The following DENND5B variants were observed in gnomAD, a reference collection of about 807,000 sequenced individuals.
DENND5B encodes DENN domain containing 5B.
DENND5B carries 34 observed loss-of-function variants against 140.6 expected under a neutral mutation model. The ratio of observed to expected loss-of-function variants is 0.24; its 90% confidence interval spans 0.18 to 0.32. The LOEUF is 0.32. Ranked by LOEUF, DENND5B falls within the 10% of genes least tolerant of loss-of-function variation. DENND5B has a pLI of 1.00. For synonymous variants in DENND5B, 551 were observed against 562.1 expected, an observed-to-expected ratio of 0.98 and a Z score of 0.28; for missense variants, 1,142 against 1,560.2, an observed-to-expected ratio of 0.73 and a Z score of 4.52.
chr12:31,460,499 T>G, intron 3 of DENND5B, 118 bp from the exon 4 acceptor site: 1 of 894,476 alleles, frequency 1.1e-6, no homozygotes, highest in Non-Finnish European at 1.7e-6. Flanking sequence ...AAATATTTCT[T>G]TATGATCATA....
intron 1 of DENND5B, among the ~76,000 whole-genome samples, chr12:31,579,965 AT>A (rs1360948766): frequency 4.2e-5 from 6 of 144,526 alleles, no homozygotes; most frequent in Admixed American, 1.4e-4. Flanking sequence ...ACAGAAAAAA[AT>A]ATATATAAAA....
Position 31,482,776 on chromosome 12 carries a change from T to C in DENND5B, c.238-2521A>G, listed in dbSNP as rs536090330. Among the ~76,000 whole-genome samples the C allele has an allele frequency of 3.6e-4, 55 of 152,292 alleles. 1 individual carries two copies. Among genetic ancestry groups the C allele is most frequent in the African/African-American group, 1.3e-3 (54 of 41,560 alleles). ...AAGTCACCCTCTTTTCTTGTCTGGA[T>C]GTAACAGCCTGTTTCTGCCCTTGTC... On this transcript the variant is annotated intron_variant, in intron 2 of 20. Coordinates refer to ENST00000389082, the MANE Select transcript of DENND5B (RefSeq NM_144973.4).
chr12:31,526,783 C>T (rs779807784), intron 1 of DENND5B, among the ~76,000 whole-genome samples: 1 of 152,234 alleles, frequency 6.6e-6, no homozygotes. Context: ...TTATGTGAAA[C>T]GTTAACATTT....
At chr12:31,499,566 A>C in intron 1 of DENND5B, 1 of 1,414,134 alleles carries the variant, frequency 7.1e-7, no homozygotes, top group Non-Finnish European at 9.3e-7. Flanking sequence ...TAAAATAATG[A>C]TTTATAATAG....
chr12:31,414,263 T>C (rs1183896838), intron 12 of DENND5B, among the ~76,000 whole-genome samples: 1 of 152,154 alleles, frequency 6.6e-6, no homozygotes, highest in Non-Finnish European at 1.5e-5. Context: ...TGACTAAGTA[T>C]TGTACCTAAA....
intron 1 of DENND5B, among the ~76,000 whole-genome samples, chr12:31,554,049 T>C (rs1268322900): frequency 6.6e-6 from 1 of 152,196 alleles, no homozygotes; most frequent in Non-Finnish European, 1.5e-5. Context: ...AATTGGAGCA[T>C]TTAGCCCATT....
intron 10 of DENND5B, 57 bp downstream of exon 10, chr12:31,424,478 C>T: frequency 1.3e-6 from 2 of 1,495,912 alleles, no homozygotes; most frequent in Non-Finnish European, 1.8e-6. Context: ...CTCCTTGTTA[C>T]ATTTCTTAAC....
intron 1 of DENND5B, among the ~76,000 whole-genome samples, chr12:31,554,203 G>A (rs1054282249): frequency 4.9e-4 from 74 of 152,202 alleles, no homozygotes; most frequent in South Asian, 1.9e-3. Context: ...GGCTGGTACC[G>A]GTTGTTCCTT....
chr12:31,509,604 T>G (rs964466487), intron 1 of DENND5B, among the ~76,000 whole-genome samples: 2 of 152,228 alleles, frequency 1.3e-5, no homozygotes, highest in African/African-American at 4.8e-5. Context: ...AATTTTGAGA[T>G]AGTTTATTAT....
At chr12:31,472,269 A>G (rs1417439693) in intron 3 of DENND5B, among the ~76,000 whole-genome samples, 1 of 152,216 alleles carries the variant, frequency 6.6e-6, no homozygotes, top group Non-Finnish European at 1.5e-5. Context: ...AATAGGGTGA[A>G]TAAAACAGAC....
At position 31,387,125 on chromosome 12, in the gene DENND5B, A is replaced by G. The variant is rs1362501977; in HGVS notation, c.*478T>C. The G allele has an allele frequency of 1.3e-5, 2 of 153,024 alleles. No individual in the cohort carries two copies. Among genetic ancestry groups the G allele is most frequent in the Non-Finnish European group, 2.9e-5 (2 of 68,682 alleles). 9.5% of individuals were successfully genotyped at this position (153,024 alleles called of 1,614,324 possible). On this transcript the variant is annotated 3_prime_UTR_variant, in exon 21 of 21. Transcript: ENST00000389082. ...GTAGGTAAAGCTGTGTGCATCCACA[A>G]TACAAAGGATCAGACTCCAAGATGG...
At position 31,528,609 on chromosome 12, in the gene DENND5B, G is replaced by A. The variant is rs767323553; in HGVS notation, c.128-32690C>T. ...GCAATAATACGAACAGACCAAACAC[G>A]GAGTATGATACAAAGAGAGTAATAA... On this transcript the variant is annotated intron_variant, in intron 1 of 20. Transcript: ENST00000389082. Among the ~76,000 whole-genome samples the A allele has an allele frequency of 6.6e-5, 10 of 152,122 alleles. No homozygotes were observed. In the East Asian group the frequency reaches 1.2e-3, roughly 18 times the overall value.
chr12:31,446,885 T>C (rs201431965), intron 6 of DENND5B, among the ~76,000 whole-genome samples: 1,378 of 113,656 alleles, frequency 0.012, 14 homozygotes, highest in East Asian at 0.037. Flanking sequence ...AGACTCCGCC[T>C]CAAAAAAAAA....
At chr12:31,388,985 C>G (rs1031075395) in intron 20 of DENND5B, among the ~76,000 whole-genome samples, 1 of 152,114 alleles carries the variant, frequency 6.6e-6, no homozygotes, top group Non-Finnish European at 1.5e-5. Flanking sequence ...CTGGCTCTGT[C>G]TCATTTTTCT....
At chr12:31,440,528 C>T (rs1010219776) in intron 7 of DENND5B, among the ~76,000 whole-genome samples, 7 of 152,164 alleles carry the variant, frequency 4.6e-5, no homozygotes, top group Non-Finnish European at 1.0e-4. Context: ...TTGGTATAAA[C>T]GTGCATTTTC....
intron 5 of DENND5B, among the ~76,000 whole-genome samples, chr12:31,450,394 C>T (rs1944462023): frequency 6.6e-6 from 1 of 152,186 alleles, no homozygotes; most frequent in Non-Finnish European, 1.5e-5. Context: ...GGGTCTCACT[C>T]GCTAGCCCAA....
intron 6 of DENND5B, among the ~76,000 whole-genome samples, chr12:31,445,702 C>A (rs201156563): frequency 3.5e-5 from 5 of 144,672 alleles, no homozygotes; most frequent in Non-Finnish European, 3.0e-5. Flanking sequence ...GATTCTGTTT[C>A]AAAAAAAAAA....
In DENND5B at chr12:31,383,406, T is replaced by C. The variant is rs1188678297; in HGVS notation, c.*4197A>G. 6.6e-6 allele frequency: 1 copy of C among 152,200 alleles called. No homozygotes were observed. The allele number at this position is 152,200 out of a possible 1,614,324, so 9.4% of individuals were successfully genotyped here. A position where few individuals can be genotyped will look rare whatever the true frequency, so the allele number is the denominator to read the frequency against. ...TACATTTACATATAACAGTGCTTTATTGCCAAAAAAGGAAATATGAGCAGT... is the reference window on the plus strand; with the variant it reads ...TACATTTACATATAACAGTGCTTTACTGCCAAAAAAGGAAATATGAGCAGT... On this transcript the variant is annotated 3_prime_UTR_variant, in exon 21 of 21. Coordinates refer to ENST00000389082, the MANE Select transcript of DENND5B (RefSeq NM_144973.4).
chr12:31,562,768 A>C (rs968402641), intron 1 of DENND5B, among the ~76,000 whole-genome samples: 4 of 152,302 alleles, frequency 2.6e-5, no homozygotes, highest in Admixed American at 1.3e-4. Context: ...CTTCCTTTCT[A>C]ATCTAAAAAA....
Sources: gnomAD v4.1 joint callset for allele counts (sites outside exome capture counted in the v4.1 genomes callset) on GRCh38, gnomAD v4.1.1 for gene constraint, MANE v1.5 for transcripts, NCBI Gene and HGNC (gene_info 2026-07-23, HGNC 2026-07-21) for gene names.